Variants in COA1 observed in about 807,000 individuals in gnomAD.
The protein encoded by COA1 is cytochrome c oxidase assembly factor 1.
A neutral mutation model predicts 16.0 loss-of-function variants in COA1; 13 were observed. That is an observed-to-expected ratio of 0.81 (90% CI 0.53 to 1.29). COA1 has a LOEUF of 1.29. Among genes scored for constraint, COA1 ranks in the 50% most tolerant of loss-of-function variants. The probability of loss-of-function intolerance (pLI) is 0.00; values close to 1 mark genes in which losing one functional copy is unlikely to be tolerated. For missense variants in COA1, 179 were observed against 177.0 expected (o/e 1.01, Z -0.06); for synonymous variants, 65 against 65.7 (o/e 0.99, Z 0.05).
At position 43,640,856 on chromosome 7, in the gene COA1, G is replaced by A. The variant is rs552456660; in HGVS notation, c.265-207C>T. The A allele has an allele frequency of 1.6e-4, 81 of 492,700 alleles. 1 individual carries two copies. Among genetic ancestry groups the A allele is most frequent in the African/African-American group, 1.6e-3 (77 of 49,374 alleles). 30.5% of individuals were successfully genotyped at this position (492,700 alleles called of 1,614,324 possible). ...CTTTGGTTGGCTGGTAAGGTCAATG[G>A]CAGTCTTTCCATTTGGCAAGGAGGA... On this transcript the variant is annotated intron_variant, in intron 4 of 5. Coordinates refer to ENST00000223336, the MANE Select transcript of COA1 (RefSeq NM_018224.4).
At chr7:43,624,926 A>C (rs1160191512) in intron 6 of COA1, 1 of 1,214,394 alleles carries the variant, frequency 8.2e-7, no homozygotes, top group Non-Finnish European at 1.1e-6. Context: ...TGGTACATGT[A>C]CTGGAAGTGG....
At chr7:43,668,401 C>A (rs1051804177) in intron 1 of COA1, among the ~76,000 whole-genome samples, 24 of 152,206 alleles carry the variant, frequency 1.6e-4, no homozygotes, top group Non-Finnish European at 4.4e-5. Flanking sequence ...GAAATAACCA[C>A]TCTTGCTGCA....
chr7:43,704,131 G>A (rs1241755199), intron 1 of COA1, among the ~76,000 whole-genome samples: 2 of 152,214 alleles, frequency 1.3e-5, no homozygotes, highest in Admixed American at 6.5e-5. Context: ...CTTTAAGGAT[G>A]CTGAATATAA....
intron 4 of COA1, among the ~76,000 whole-genome samples, chr7:43,642,372 C>T (rs2153072711): frequency 6.6e-6 from 1 of 152,254 alleles, no homozygotes; most frequent in African/African-American, 2.4e-5. Context: ...ATCGCTTGAA[C>T]CTGGGAGGTG....
chr7:43,608,836 A>G (rs950688957), exon 7 of COA1: 1 of 151,588 alleles, frequency 6.6e-6, no homozygotes, highest in African/African-American at 2.4e-5. Flanking sequence ...TAGGGGTTTC[A>G]TATGTCATGA....
chr7:43,612,249 T>C (rs757654755), intron 6 of COA1, among the ~76,000 whole-genome samples: 1 of 152,170 alleles, frequency 6.6e-6, no homozygotes, highest in Non-Finnish European at 1.5e-5. Flanking sequence ...TCTGCCTTCA[T>C]GCCCCTCCAT....
intron 4 of COA1, 56 bp from the exon 5 acceptor site, chr7:43,640,705 C>G: frequency 1.6e-6 from 2 of 1,245,594 alleles, no homozygotes; most frequent in Non-Finnish European, 1.1e-6. Flanking sequence ...ATTGTCATTT[C>G]AGAAGATGAC....
At chr7:43,667,149 T>C (rs1206696343) in intron 1 of COA1, among the ~76,000 whole-genome samples, 2 of 152,180 alleles carry the variant, frequency 1.3e-5, no homozygotes, top group African/African-American at 4.8e-5. Flanking sequence ...TAATGAAAGG[T>C]TTTTGCCTTT....
intron 6 of COA1, among the ~76,000 whole-genome samples, chr7:43,610,463 C>G (rs1003794757): frequency 6.8e-6 from 1 of 147,106 alleles, no homozygotes; most frequent in Non-Finnish European, 1.5e-5. Flanking sequence ...GTCAGGAGTT[C>G]AAGACCAGCC....
chr7:43,610,346 C>CAAAAAAA (rs138859141), intron 6 of COA1, among the ~76,000 whole-genome samples: 2 of 41,312 alleles, frequency 4.8e-5, no homozygotes, highest in African/African-American at 1.1e-4. Flanking sequence ...GACTCCGTCT[C>CAAAAAAA]AAAAAAAAAA....
intron 1 of COA1, among the ~76,000 whole-genome samples, chr7:43,701,487 T>A (rs2094737018): frequency 6.6e-6 from 1 of 152,236 alleles, no homozygotes. Flanking sequence ...GGTGTGTATG[T>A]ACCAAATTTT....
Position 43,639,636 on chromosome 7 carries a change from C to T in COA1, c.387G>A (p.Gln129=). ...EVFLELKDGQ[Q]IPVFKLSGEN... is the part of the protein sequence containing the mutation. ...CCCCACTGAGCTTGAACACAGGAAT[C>T]TGCTGACCATCCTTGAGCTCTAAAA... The change falls in exon 6 of 6, where the codon CAG becomes CAA. Residue 129 remains glutamine, a synonymous_variant. Coordinates refer to ENST00000223336, the MANE Select transcript of COA1 (RefSeq NM_018224.4). The T allele has an allele frequency of 1.9e-6, 3 of 1,614,096 alleles. No homozygotes were observed. The highest frequency in any genetic ancestry group is 4.5e-5 in the East Asian group (2 of 44,876).
At chr7:43,624,011 C>A in intron 6 of COA1, 1 of 654,474 alleles carries the variant, frequency 1.5e-6, no homozygotes, top group Non-Finnish European at 2.2e-6. Context: ...TCTAAAACAC[C>A]ATAATGGAAA....
At chr7:43,633,222 T>C (rs2085342676) in intron 6 of COA1, 1 of 152,256 alleles carries the variant, frequency 6.6e-6, no homozygotes, top group South Asian at 2.1e-4. Context: ...CTACAGCTTC[T>C]CCATCAGCAC....
intron 1 of COA1, among the ~76,000 whole-genome samples, chr7:43,714,150 T>C (rs2095330642): frequency 6.6e-6 from 1 of 152,092 alleles, no homozygotes; most frequent in South Asian, 2.1e-4. Context: ...ATCATGCCAC[T>C]GCACTCCAGC....
rs576860897 is a variant in COA1, at chr7:43,652,966, T to G, written c.-38-4314A>C. Among the ~76,000 whole-genome samples the G allele has an allele frequency of 4.6e-5, 7 of 151,996 alleles. No homozygotes were observed. The East Asian group carries it at 1.4e-3, about 29-fold the overall frequency. On this transcript the variant is annotated intron_variant, in intron 1 of 5. Transcript: ENST00000223336. Reference sequence around the variant, plus strand: ...AAAAGTAAGGCAATATAAATTAAAATGAAAAAGAATAAGAAACAAAATCCA... The same window carrying G: ...AAAAGTAAGGCAATATAAATTAAAAGGAAAAAGAATAAGAAACAAAATCCA...
intron 1 of COA1, chr7:43,649,361 C>T (rs930379435): frequency 3.9e-5 from 6 of 152,220 alleles, no homozygotes; most frequent in Non-Finnish European, 7.3e-5. Context: ...CTGTGGTACA[C>T]GAGCTTTAAG....
intron 3 of COA1, 125 bp downstream of exon 3, chr7:43,647,410 G>T (rs989890140): frequency 1.4e-6 from 1 of 738,486 alleles, no homozygotes; most frequent in Non-Finnish European, 2.4e-6. Context: ...TGGTGGACTA[G>T]CCTTTAAAAT....
Position 43,725,238 on chromosome 7 carries a change from CA to C in COA1, c.-39+4190del, listed in dbSNP as rs145651296. 3.4e-3 allele frequency among the ~76,000 whole-genome samples: 405 copies of C among 118,722 alleles called. 1 individual carries two copies. Among genetic ancestry groups the C allele is most frequent in the African/African-American group, 4.8e-3 (143 of 29,640 alleles). 77.9% of individuals were successfully genotyped at this position (118,722 alleles called of 152,430 possible). A position where few individuals can be genotyped will look rare whatever the true frequency, so the allele number is the denominator to read the frequency against. ...GGGCAACATGAACGAAACTCCATCTCAAAAAAAAAAAAAGAAAAAGAAAAAA... is the reference window on the plus strand; with the variant it reads ...GGGCAACATGAACGAAACTCCATCTCAAAAAAAAAAAAGAAAAAGAAAAAA... On this transcript the variant is annotated intron_variant, in intron 1 of 5. Coordinates refer to ENST00000223336, the MANE Select transcript of COA1 (RefSeq NM_018224.4).
Sources: allele counts gnomAD v4.1 joint callset (sites outside exome capture counted in the v4.1 genomes callset), GRCh38; gene constraint gnomAD v4.1.1; transcripts MANE v1.5; gene names NCBI Gene and HGNC (gene_info 2026-07-23, HGNC 2026-07-21).